Variants in DIAPH3 observed in about 807,000 individuals in gnomAD.
The protein encoded by DIAPH3 is diaphanous related formin 3.
In DIAPH3, 117 loss-of-function variants were observed where a neutral mutation model predicts 144.3. The ratio of observed to expected loss-of-function variants is 0.81; its 90% confidence interval spans 0.70 to 0.95. The LOEUF (loss-of-function observed/expected upper bound fraction) is 0.95. DIAPH3 is among the 40% of genes least tolerant of loss of function. The probability of loss-of-function intolerance (pLI) is 0.00; values close to 1 mark genes in which losing one functional copy is unlikely to be tolerated. For synonymous variants in DIAPH3, 519 were observed against 488.9 expected, an observed-to-expected ratio of 1.06 and a Z score of -0.81; for missense variants, 1,421 against 1,412.7, an observed-to-expected ratio of 1.01 and a Z score of -0.09.
intron 17 of DIAPH3, among the ~76,000 whole-genome samples, chr13:59,964,772 T>C (rs2049958734): frequency 1.3e-5 from 2 of 152,158 alleles, no homozygotes; most frequent in Admixed American, 1.3e-4. Context: ...TTTAAGTCTT[T>C]ACTACTTTTG....
intron 27 of DIAPH3, among the ~76,000 whole-genome samples, chr13:59,720,914 A>G (rs1381847199): frequency 6.6e-6 from 1 of 152,168 alleles, no homozygotes; most frequent in African/African-American, 2.4e-5. Context: ...AAAGTTTAAA[A>G]GTATATATGT....
chr13:59,947,546 GGAAGA>G (rs2048864118), intron 17 of DIAPH3, among the ~76,000 whole-genome samples: 1 of 152,016 alleles, frequency 6.6e-6, no homozygotes, highest in Admixed American at 6.6e-5. Flanking sequence ...GAGAGGAGGA[GGAAGA>G]GAAGAGTTTC....
At chr13:59,727,630 A>C (rs749197095) in intron 27 of DIAPH3, among the ~76,000 whole-genome samples, 1 of 152,190 alleles carries the variant, frequency 6.6e-6, no homozygotes, top group African/African-American at 2.4e-5. Context: ...AAGTTGGTAC[A>C]TATAAGGGCA....
chr13:59,846,974 G>A (rs1021879640), intron 22 of DIAPH3, among the ~76,000 whole-genome samples: 1 of 152,100 alleles, frequency 6.6e-6, no homozygotes, highest in African/African-American at 2.4e-5. Context: ...AGTTACCCAG[G>A]AGGCTGAGGC....
chr13:59,716,766 C>T (rs1376351615), intron 27 of DIAPH3, among the ~76,000 whole-genome samples: 2 of 152,078 alleles, frequency 1.3e-5, no homozygotes, highest in Non-Finnish European at 2.9e-5. Context: ...TTTATTTGCT[C>T]CCTTAATACA....
At chr13:59,768,635 T>C (rs982737783) in intron 27 of DIAPH3, among the ~76,000 whole-genome samples, 2 of 152,134 alleles carry the variant, frequency 1.3e-5, no homozygotes, top group African/African-American at 4.8e-5. Flanking sequence ...ACAAAGCCCA[T>C]CTTGTGTGCC....
intron 20 of DIAPH3, among the ~76,000 whole-genome samples, chr13:59,895,104 G>A (rs988171216): frequency 2.0e-5 from 3 of 152,076 alleles, no homozygotes; most frequent in Non-Finnish European, 4.4e-5. Context: ...ATGCATAAAT[G>A]TAAGTCAATA....
chr13:59,868,587 A>T (rs1036017470), intron 21 of DIAPH3, among the ~76,000 whole-genome samples: 1 of 152,116 alleles, frequency 6.6e-6, no homozygotes, highest in African/African-American at 2.4e-5. Context: ...ACTAGTTTCC[A>T]CGTTAAGGTT....
At chr13:59,771,235 C>A (rs868033764) in intron 27 of DIAPH3, among the ~76,000 whole-genome samples, 1 of 152,056 alleles carries the variant, frequency 6.6e-6, no homozygotes, top group Admixed American at 6.6e-5. Flanking sequence ...AGACAACACA[C>A]AGACAGCAAA....
At chr13:59,911,447 T>C (rs1166046468) in intron 20 of DIAPH3, among the ~76,000 whole-genome samples, 2 of 152,218 alleles carry the variant, frequency 1.3e-5, no homozygotes, top group Non-Finnish European at 2.9e-5. Context: ...ACCTCTCTAT[T>C]CTTAAGAAGT....
At chr13:59,737,540 TA>T (rs2036218453) in intron 27 of DIAPH3, among the ~76,000 whole-genome samples, 1 of 152,072 alleles carries the variant, frequency 6.6e-6, no homozygotes, top group Non-Finnish European at 1.5e-5. Flanking sequence ...CCTCAGAGTA[TA>T]AAAAAGATAG....
intron 17 of DIAPH3, among the ~76,000 whole-genome samples, chr13:59,930,372 T>C (rs979302804): frequency 6.6e-6 from 1 of 152,120 alleles, no homozygotes; most frequent in African/African-American, 2.4e-5. Context: ...TAGTGAAAAC[T>C]ACACAAGAAT....
intron 24 of DIAPH3, among the ~76,000 whole-genome samples, chr13:59,830,204 T>G (rs1317436329): frequency 6.6e-6 from 1 of 151,816 alleles, no homozygotes; most frequent in Non-Finnish European, 1.5e-5. Context: ...AACGAGACAT[T>G]TATTTGTCAG....
intron 27 of DIAPH3, among the ~76,000 whole-genome samples, chr13:59,773,453 T>C (rs936128853): frequency 6.6e-6 from 1 of 152,212 alleles, no homozygotes; most frequent in African/African-American, 2.4e-5. Context: ...TGGCAAACAT[T>C]AGTGACAATC....
At chr13:59,977,454 T>A (rs1216466756) in intron 14 of DIAPH3, among the ~76,000 whole-genome samples, 1 of 151,840 alleles carries the variant, frequency 6.6e-6, no homozygotes, top group Non-Finnish European at 1.5e-5. Flanking sequence ...AAAGAGTTAA[T>A]CCTCTTTTCC....
chr13:60,127,796 C>T (rs560069278), intron 2 of DIAPH3, among the ~76,000 whole-genome samples: 13 of 152,200 alleles, frequency 8.5e-5, no homozygotes, highest in East Asian at 7.7e-4. Context: ...TTTCATATCA[C>T]GACTAGTGCA....
At chr13:59,971,461 T>C (rs1490128301) in intron 15 of DIAPH3, among the ~76,000 whole-genome samples, 6 of 152,252 alleles carry the variant, frequency 3.9e-5, no homozygotes, top group African/African-American at 1.4e-4. Context: ...TCTAGAAGAT[T>C]TGAAAATCAG....
At chr13:60,086,301 T>G (rs2057743877) in intron 4 of DIAPH3, among the ~76,000 whole-genome samples, 1 of 152,114 alleles carries the variant, frequency 6.6e-6, no homozygotes, top group Non-Finnish European at 1.5e-5. Flanking sequence ...CTGGATGAAT[T>G]TTAGCTGTTG....
intron 14 of DIAPH3, among the ~76,000 whole-genome samples, chr13:59,978,286 T>C (rs1438005577): frequency 1.3e-5 from 2 of 151,722 alleles, no homozygotes; most frequent in African/African-American, 2.4e-5. Context: ...TATGTCAACA[T>C]AGTCACTCTC....
Sources: allele counts gnomAD v4.1 joint callset (sites outside exome capture counted in the v4.1 genomes callset), GRCh38; gene constraint gnomAD v4.1.1; transcripts MANE v1.5; gene names NCBI Gene and HGNC (gene_info 2026-07-23, HGNC 2026-07-21).